TMEM117: variants seen among roughly 807,000 people sequenced by gnomAD.
TMEM117 encodes transmembrane protein 117.
In TMEM117, 27 loss-of-function variants were observed where a neutral mutation model predicts 52.4. The observed-to-expected ratio is 0.51, with a 90% CI of 0.38 to 0.71. The LOEUF is 0.71. Among genes scored for constraint, TMEM117 ranks in the 30% least tolerant of loss-of-function variants. TMEM117 has a pLI of 0.00. For synonymous variants in TMEM117, 215 were observed against 206.3 expected, an observed-to-expected ratio of 1.04 and a Z score of -0.36; for missense variants, 556 against 630.5, an observed-to-expected ratio of 0.88 and a Z score of 1.26.
chr12:43,830,118 G>C, the TMEM117 span, among the ~76,000 whole-genome samples: 117 of 151,294 alleles, frequency 7.7e-4, no homozygotes, highest in African/African-American at 2.7e-3. Flanking sequence ...GAACTGTAGG[G>C]GGACAGGCAG....
intron 5 of TMEM117, among the ~76,000 whole-genome samples, chr12:44,266,375 A>G (rs1193572771): frequency 6.6e-6 from 1 of 152,124 alleles, no homozygotes; most frequent in Non-Finnish European, 1.5e-5. Flanking sequence ...CCTAATGACT[A>G]TACTGAGCAT....
chr12:44,369,257 G>A (rs1006870635), intron 6 of TMEM117, among the ~76,000 whole-genome samples: 52 of 152,220 alleles, frequency 3.4e-4, no homozygotes, highest in Middle Eastern at 6.8e-3. Context: ...GGCCCAGTGC[G>A]TTTCATCAGA....
chr12:44,169,544 C>T (rs1328699704), intron 4 of TMEM117, among the ~76,000 whole-genome samples: 1 of 151,910 alleles, frequency 6.6e-6, no homozygotes. Context: ...TTTTAATGGA[C>T]TTGTTTTCTT....
At chr12:43,999,484 G>T (rs1219187829) in intron 3 of TMEM117, among the ~76,000 whole-genome samples, 1 of 152,056 alleles carries the variant, frequency 6.6e-6, no homozygotes, top group Non-Finnish European at 1.5e-5. Flanking sequence ...GATGCAGATG[G>T]TTTTTGTTTG....
chr12:43,995,297 C>G (rs1381959374), intron 3 of TMEM117, among the ~76,000 whole-genome samples: 4 of 151,860 alleles, frequency 2.6e-5, no homozygotes, highest in African/African-American at 4.8e-5. Flanking sequence ...TGCTGAAGAC[C>G]GCAGAGCTTG....
intron 6 of TMEM117, among the ~76,000 whole-genome samples, chr12:44,373,620 C>T (rs1029878238): frequency 6.6e-6 from 1 of 151,998 alleles, no homozygotes; most frequent in Non-Finnish European, 1.5e-5. Context: ...TTATCTCATC[C>T]TCCCAGGGAG....
At chr12:43,861,924 C>T (rs149006459) in intron 2 of TMEM117, among the ~76,000 whole-genome samples, 170 of 152,236 alleles carry the variant, frequency 1.1e-3, no homozygotes, top group African/African-American at 3.3e-3. Flanking sequence ...ATGTCTGACA[C>T]GTGGTGAGGT....
intron 2 of TMEM117, among the ~76,000 whole-genome samples, chr12:43,898,582 G>T (rs1454838613): frequency 6.6e-6 from 1 of 151,898 alleles, no homozygotes; most frequent in Non-Finnish European, 1.5e-5. Flanking sequence ...CTAGGATACA[G>T]GAAAAAAGTG....
At chr12:44,168,745 G>A (rs1382808272) in intron 4 of TMEM117, among the ~76,000 whole-genome samples, 2 of 152,082 alleles carry the variant, frequency 1.3e-5, no homozygotes, top group African/African-American at 2.4e-5. Context: ...ACATTTTTAA[G>A]TGTAGAGTCT....
At chr12:44,219,418 G>A (rs1369254503) in intron 5 of TMEM117, among the ~76,000 whole-genome samples, 2 of 152,120 alleles carry the variant, frequency 1.3e-5, no homozygotes, top group African/African-American at 4.8e-5. Context: ...AGAACATTCT[G>A]TGTAGTTTAA....
chr12:44,258,701 A>G (rs1486475436), intron 5 of TMEM117, among the ~76,000 whole-genome samples: 3 of 152,188 alleles, frequency 2.0e-5, no homozygotes, highest in African/African-American at 4.8e-5. Context: ...CTTTTAAGTC[A>G]TCTCAGTGGA....
At chr12:44,234,075 G>A (rs1047194809) in intron 5 of TMEM117, among the ~76,000 whole-genome samples, 1 of 150,646 alleles carries the variant, frequency 6.6e-6, no homozygotes, top group African/African-American at 2.4e-5. Context: ...TTCTTTTCTT[G>A]CACTATCCTT....
intron 2 of TMEM117, among the ~76,000 whole-genome samples, chr12:43,937,994 G>A (rs979420448): frequency 6.6e-6 from 1 of 151,870 alleles, no homozygotes; most frequent in Admixed American, 6.6e-5. Flanking sequence ...TTTATTTTGC[G>A]GCTTGTGCTC....
chr12:44,024,251 A>G (rs1357154743), intron 3 of TMEM117, among the ~76,000 whole-genome samples: 4 of 152,196 alleles, frequency 2.6e-5, no homozygotes, highest in Non-Finnish European at 5.9e-5. Flanking sequence ...GTCAGTTGAT[A>G]TATCTACTTA....
intron 5 of TMEM117, among the ~76,000 whole-genome samples, chr12:44,280,894 G>T (rs2039456428): frequency 6.7e-6 from 1 of 149,816 alleles, no homozygotes; most frequent in South Asian, 2.2e-4. Flanking sequence ...CAAGGTTGAT[G>T]ATTTGCCTTT....
intron 5 of TMEM117, among the ~76,000 whole-genome samples, chr12:44,243,204 T>A (rs953951202): frequency 1.3e-5 from 2 of 152,020 alleles, no homozygotes; most frequent in Non-Finnish European, 2.9e-5. Flanking sequence ...GTTCTGTAGG[T>A]TGCCTGTTTA....
At chr12:43,967,130 TTC>T (rs1450466011) in intron 3 of TMEM117, among the ~76,000 whole-genome samples, 43 of 16,942 alleles carry the variant, frequency 2.5e-3, no homozygotes, top group East Asian at 8.9e-3. Context: ...TTACTTCTTC[TTC>T]TTTTTTTTTT....
intron 4 of TMEM117, among the ~76,000 whole-genome samples, chr12:44,189,315 T>G (rs990285251): frequency 6.6e-6 from 1 of 152,186 alleles, no homozygotes; most frequent in East Asian, 1.9e-4. Context: ...TTTCTTTTAA[T>G]CCAGTGTTAC....
intron 3 of TMEM117, among the ~76,000 whole-genome samples, chr12:43,996,256 A>G (rs1946028213): frequency 6.6e-6 from 1 of 152,208 alleles, no homozygotes; most frequent in African/African-American, 2.4e-5. Flanking sequence ...TATGCTTTCT[A>G]AAGTTGAGAT....
Sources: gnomAD v4.1 joint callset for allele counts (sites outside exome capture counted in the v4.1 genomes callset) on GRCh38, gnomAD v4.1.1 for gene constraint, MANE v1.5 for transcripts, NCBI Gene and HGNC (gene_info 2026-07-23, HGNC 2026-07-21) for gene names.